Variants in ST7 observed in about 807,000 individuals in gnomAD.
ST7 encodes suppressor of tumorigenicity 7 protein.
Under a neutral mutation model 78.7 loss-of-function variants are expected in ST7, and 28 were observed. The ratio of observed to expected loss-of-function variants is 0.36; its 90% CI spans 0.26 to 0.49. The LOEUF (loss-of-function observed/expected upper bound fraction) is 0.49, where lower values mean the gene tolerates loss of function less well. Ranked by LOEUF, ST7 falls within the 20% of genes least tolerant of loss-of-function variation. The pLI, the probability that ST7 is intolerant of heterozygous loss-of-function variation, is 0.99. For missense variants in ST7, 418 were observed against 696.0 expected, an observed-to-expected ratio of 0.60 and a Z score of 4.49; for synonymous variants, 247 against 249.6, an observed-to-expected ratio of 0.99 and a Z score of 0.10.
intron 2 of ST7, 144 bp downstream of exon 2, chr7:117,099,988 C>T (rs989043501): frequency 2.0e-6 from 1 of 491,150 alleles, no homozygotes; most frequent in Non-Finnish European, 3.4e-6. Flanking sequence ...GGGGAGTGGA[C>T]TCATAGAAGC....
At position 117,155,418 on chromosome 7, in the gene ST7, A is replaced by G. The variant is rs1027211999; in HGVS notation, c.964-15444A>G. On this transcript the variant is annotated intron_variant, in intron 9 of 15. Coordinates refer to ENST00000323984, the MANE Select transcript of ST7 (RefSeq NM_001369598.1). ...AAATGTATACAACAGAGGAGGGATG[A>G]GATCTTACTAAGCTACATTGTCAAG... 2.0e-5 allele frequency among the ~76,000 whole-genome samples: 3 copies of G among 152,220 alleles called. No homozygotes were observed. The East Asian group carries it at 5.8e-4, about 29-fold the overall frequency.
chr7:117,155,507 G>C (rs1318746791), intron 9 of ST7, among the ~76,000 whole-genome samples: 4 of 152,198 alleles, frequency 2.6e-5, no homozygotes, highest in African/African-American at 9.7e-5. Flanking sequence ...CCAAGCAAGA[G>C]CTGAAGAGGG....
chr7:116,963,883 G>A (rs924309551), intron 1 of ST7, among the ~76,000 whole-genome samples: 1 of 151,912 alleles, frequency 6.6e-6, no homozygotes, highest in Non-Finnish European at 1.5e-5. Flanking sequence ...CGCCCGCCTC[G>A]GCCTCCCAAA....
chr7:117,126,740 AAAG>A (rs1241553572), intron 3 of ST7, among the ~76,000 whole-genome samples: 1 of 151,918 alleles, frequency 6.6e-6, no homozygotes, highest in East Asian at 1.9e-4. Flanking sequence ...GGCTGAAAAA[AAAG>A]GATTAGAGCT....
intron 1 of ST7, among the ~76,000 whole-genome samples, chr7:116,994,184 G>T (rs555718682): frequency 6.6e-6 from 1 of 152,124 alleles, no homozygotes; most frequent in South Asian, 2.1e-4. Context: ...CTAACCCTTG[G>T]CAATCACCGT....
chr7:117,071,150 C>A (rs553712218), intron 1 of ST7, among the ~76,000 whole-genome samples: 1 of 151,990 alleles, frequency 6.6e-6, no homozygotes, highest in African/African-American at 2.4e-5. Flanking sequence ...ACCCGGGAGG[C>A]GGAGCTTGCA....
intron 1 of ST7, among the ~76,000 whole-genome samples, chr7:117,032,261 C>T (rs1796640868): frequency 1.3e-5 from 2 of 152,174 alleles, no homozygotes; most frequent in African/African-American, 4.8e-5. Context: ...GTAAATGCTA[C>T]TTTTATGGCC....
chr7:117,173,547 A>G (rs577312310), intron 10 of ST7: 3 of 152,356 alleles, frequency 2.0e-5, no homozygotes, highest in East Asian at 3.9e-4. Flanking sequence ...CTGGTTCCTT[A>G]TCTGGCCCTG....
rs532373473 is a variant in ST7, at chr7:117,074,442, T to C, written c.152-25320T>C. Among the ~76,000 whole-genome samples the C allele has an allele frequency of 1.2e-3, 176 of 152,172 alleles. 3 individuals carry two copies. The highest frequency in any genetic ancestry group is 0.011 in the Admixed American group (174 of 15,278). Reference sequence around the variant, plus strand: ...TATCTTGTTTAGATAGCGGATCTTTTCCCCCTCATAGAGAGTGCTTTGGCA... The same window carrying C: ...TATCTTGTTTAGATAGCGGATCTTTCCCCCCTCATAGAGAGTGCTTTGGCA... On this transcript the variant is annotated intron_variant, in intron 1 of 15. Transcript: ENST00000323984.
intron 9 of ST7, 125 bp from the exon 10 acceptor site, chr7:117,170,737 A>G: frequency 3.1e-6 from 1 of 325,324 alleles, no homozygotes; most frequent in Non-Finnish European, 5.4e-6. Context: ...TCTAGTAATC[A>G]TTTTACTTTG....
chr7:117,119,484 A>T, intron 2 of ST7, 77 bp from the exon 3 acceptor site: 1 of 1,348,174 alleles, frequency 7.4e-7, no homozygotes. Context: ...TAGTAAATGT[A>T]ACATGTTTTA....
chr7:117,026,130 C>A (rs1453600152), intron 1 of ST7, among the ~76,000 whole-genome samples: 1 of 152,128 alleles, frequency 6.6e-6, no homozygotes, highest in Admixed American at 6.5e-5. Context: ...CCCATAGCAT[C>A]CCCTTGGAGT....
At chr7:117,067,604 G>A (rs1241904092) in intron 1 of ST7, among the ~76,000 whole-genome samples, 1 of 152,138 alleles carries the variant, frequency 6.6e-6, no homozygotes, top group African/African-American at 2.4e-5. Flanking sequence ...GATGGTTGGG[G>A]TTGGGGAATT....
At chr7:117,163,985 T>A (rs2117228818) in intron 9 of ST7, among the ~76,000 whole-genome samples, 1 of 152,290 alleles carries the variant, frequency 6.6e-6, no homozygotes, top group South Asian at 2.1e-4. Context: ...AAAATACCAA[T>A]GACATTCTTC....
chr7:117,131,221 T>C (rs1259587620), intron 5 of ST7, among the ~76,000 whole-genome samples: 1 of 151,878 alleles, frequency 6.6e-6, no homozygotes, highest in Non-Finnish European at 1.5e-5. Flanking sequence ...TCTAAAATAA[T>C]TTATAAAATA....
chr7:117,207,808 C>T (rs1791916429), intron 12 of ST7, among the ~76,000 whole-genome samples: 1 of 152,118 alleles, frequency 6.6e-6, no homozygotes, highest in Non-Finnish European at 1.5e-5. Context: ...CCAGGGCTCT[C>T]ATTAGGCCAG....
At chr7:117,200,586 A>C (rs905174850) in intron 12 of ST7, among the ~76,000 whole-genome samples, 3 of 152,152 alleles carry the variant, frequency 2.0e-5, no homozygotes, top group African/African-American at 7.2e-5. Context: ...GAGGTAGTGG[A>C]GGGCACAACA....
chr7:117,042,520 GAT>G (rs1283491215), intron 1 of ST7, among the ~76,000 whole-genome samples: 1 of 152,122 alleles, frequency 6.6e-6, no homozygotes, highest in African/African-American at 2.4e-5. Context: ...GGAAGTATAA[GAT>G]ATTAAAAGAC....
At chr7:117,062,089 AG>A (rs1798386397) in intron 1 of ST7, among the ~76,000 whole-genome samples, 2 of 152,116 alleles carry the variant, frequency 1.3e-5, no homozygotes, top group Admixed American at 1.3e-4. Flanking sequence ...ACTTTCTTGC[AG>A]TGTCTTCACA....
Sources: allele counts gnomAD v4.1 joint callset (sites outside exome capture counted in the v4.1 genomes callset), GRCh38; gene constraint gnomAD v4.1.1; transcripts MANE v1.5; gene names NCBI Gene and HGNC (gene_info 2026-07-23, HGNC 2026-07-21).